The following PNPLA8 variants were observed in gnomAD, a reference collection of about 807,000 sequenced individuals.
PNPLA8 encodes the protein calcium-independent phospholipase A2-gamma.
PNPLA8 carries 39 observed loss-of-function variants against 76.9 expected under a neutral mutation model. The observed-to-expected ratio is 0.51, with a 90% CI of 0.39 to 0.66. PNPLA8 has a LOEUF of 0.66. Ranked by LOEUF, PNPLA8 falls within the 30% of genes least tolerant of loss-of-function variation. The pLI, the probability that PNPLA8 is intolerant of heterozygous loss-of-function variation, is 0.00. For synonymous variants in PNPLA8, 301 were observed against 307.9 expected, an observed-to-expected ratio of 0.98 and a Z score of 0.24; for missense variants, 887 against 918.0, an observed-to-expected ratio of 0.97 and a Z score of 0.44.
chr7:108,515,661 C>T (rs1863286606), intron 2 of PNPLA8, 87 bp from the exon 3 acceptor site: 1 of 668,998 alleles, frequency 1.5e-6, no homozygotes, highest in South Asian at 7.0e-5. Flanking sequence ...GGACTAAACT[C>T]AGCAAGCTGT....
chr7:108,526,080 G>A lies in PNPLA8; in HGVS notation c.-181C>T. 1 of 985,688 alleles carries A rather than the reference G, an allele frequency of 1.0e-6. No individual in the cohort carries two copies. Among genetic ancestry groups the A allele is most frequent in the Non-Finnish European group, 1.2e-6 (1 of 830,058 alleles). 61.1% of individuals were successfully genotyped at this position (985,688 alleles called of 1,614,324 possible). ...CTGCAGCGGCGACTCGCTCGTTCCC[G>A]GCAATGACGTCCACTCCAACCGGCC... On this transcript the variant is annotated 5_prime_UTR_variant, in exon 1 of 11. Coordinates refer to ENST00000257694, the MANE Select transcript of PNPLA8 (RefSeq NM_001256007.3).
intron 5 of PNPLA8, among the ~76,000 whole-genome samples, chr7:108,500,147 G>A (rs955889201): frequency 7.2e-5 from 11 of 152,096 alleles, no homozygotes; most frequent in African/African-American, 1.9e-4. Context: ...TTACAACATA[G>A]TAGGCCCCCA....
At chr7:108,522,293 CA>C (rs1363551092) in intron 1 of PNPLA8, among the ~76,000 whole-genome samples, 21 of 99,332 alleles carry the variant, frequency 2.1e-4, no homozygotes, top group East Asian at 5.9e-4. Context: ...GACTCCCTCT[CA>C]AAAAAAAAAA....
chr7:108,484,261 G>T (rs1297643865), intron 9 of PNPLA8, among the ~76,000 whole-genome samples: 1 of 152,168 alleles, frequency 6.6e-6, no homozygotes, highest in African/African-American at 2.4e-5. Context: ...CTCTAATCTA[G>T]TGGTGAAGCA....
chr7:108,514,224 G>A lies in PNPLA8; in HGVS notation c.1126C>T (p.Pro376Ser), dbSNP rs1289345752. The A allele has an allele frequency of 6.2e-7, 1 of 1,608,620 alleles. No homozygotes were observed. The highest frequency in any genetic ancestry group is 1.3e-5 in the African/African-American group (1 of 74,742). Residue 376 changes from proline to serine, a missense_variant, in exon 4 of 11, where the codon CCA (proline) becomes TCA (serine). Coordinates refer to ENST00000257694, the MANE Select transcript of PNPLA8 (RefSeq NM_001256007.3). ...TCAACCCTAGTAATGCAGAGCTTTG[G>A]GTCAGTTGTTCTTCTTAATGCCTGA... The part of the protein sequence containing the change: ...LVQALRRTTD[P>S]KLCITRVEEL...
intron 4 of PNPLA8, among the ~76,000 whole-genome samples, chr7:108,512,050 C>A (rs74788126): frequency 6.6e-6 from 1 of 152,172 alleles, no homozygotes; most frequent in Non-Finnish European, 1.5e-5. Context: ...TTCCTTGCCA[C>A]AGAAATCAGA....
intron 8 of PNPLA8, among the ~76,000 whole-genome samples, chr7:108,488,487 T>C (rs375060592): frequency 4.5e-4 from 69 of 152,168 alleles, no homozygotes; most frequent in African/African-American, 1.2e-3. Flanking sequence ...GGCAGGAGAA[T>C]TGCTTGCCCA....
In PNPLA8 at chr7:108,502,626, T is replaced by C. The variant is rs778120191; in HGVS notation, c.1223A>G (p.Tyr408Cys). Residue 408 changes from tyrosine (Y) to cysteine (C), a missense_variant, in exon 5 of 11, where the codon TAT (tyrosine) becomes TGT (cysteine). Coordinates refer to ENST00000257694, the MANE Select transcript of PNPLA8 (RefSeq NM_001256007.3). Reference sequence around the variant, plus strand: ...CTTAATTTGTCTCAGTCGTAATAAATATGGAATAATTCTTTCCTATATTGA... The same window carrying C: ...CTTAATTTGTCTCAGTCGTAATAAACATGGAATAATTCTTTCCTATATTGA... The part of the protein sequence containing the change: ...GVAVKERIIP[Y>C]LLRLRQIKDE... 1.9e-6 allele frequency: 3 copies of C among 1,609,042 alleles called. No homozygotes were observed. The highest frequency in any genetic ancestry group is 8.5e-7 in the Non-Finnish European group (1 of 1,176,460).
chr7:108,518,359 T>C (rs1863489816), intron 2 of PNPLA8: 1 of 151,992 alleles, frequency 6.6e-6, no homozygotes, highest in African/African-American at 2.4e-5. Context: ...AAGGAATAAA[T>C]AGGTAGGGGA....
chr7:108,513,977 T>A (rs1385903823), intron 4 of PNPLA8, among the ~76,000 whole-genome samples, 167 bp downstream of exon 4: 1 of 152,214 alleles, frequency 6.6e-6, no homozygotes, highest in African/African-American at 2.4e-5. Flanking sequence ...TTGATTAGCA[T>A]AATGTATGTC....
Position 108,491,255 on chromosome 7 carries a change from C to T in PNPLA8, c.1683+155G>A, listed in dbSNP as rs1441161591. On this transcript the variant is annotated intron_variant, in intron 8 of 10. Transcript: ENST00000257694. ...CTGGGAGACGGAGGTTATGGTGAGC[C>T]GAGATCGTGCTATTGCACTCCAGCC... 9.8e-5 allele frequency: 54 copies of T among 549,268 alleles called. 1 individual carries two copies. The highest frequency in any genetic ancestry group is 1.2e-4 in the East Asian group (4 of 33,058). 34.0% of individuals were successfully genotyped at this position (549,268 alleles called of 1,614,324 possible). A position where few individuals can be genotyped will look rare whatever the true frequency, so the allele number is the denominator to read the frequency against.
intron 4 of PNPLA8, among the ~76,000 whole-genome samples, chr7:108,511,127 T>C (rs1355799070): frequency 6.6e-6 from 1 of 152,068 alleles, no homozygotes. Flanking sequence ...TTTGTAAAAT[T>C]TGCCTTTGAG....
At chr7:108,487,723 A>C in intron 9 of PNPLA8, 36 bp downstream of exon 9, 1 of 1,368,682 alleles carries the variant, frequency 7.3e-7, no homozygotes, top group Non-Finnish European at 1.0e-6. Flanking sequence ...TTAATCATGT[A>C]AAATTTAAAA....
At chr7:108,505,657 G>A (rs1211560816) in intron 4 of PNPLA8, among the ~76,000 whole-genome samples, 4 of 151,526 alleles carry the variant, frequency 2.6e-5, no homozygotes, top group Non-Finnish European at 5.9e-5. Flanking sequence ...CACGGCGCCT[G>A]GCCAAAAATA....
At chr7:108,527,680 A>C (rs754998771), upstream of PNPLA8, 6 of 152,176 alleles carry the variant, frequency 3.9e-5, no homozygotes, top group Admixed American at 3.3e-4. Context: ...AAGTGATATC[A>C]AGGGTCGGGG....
rs78739012 is a variant in PNPLA8, at chr7:108,525,200, T to G, written c.-130+829A>C. Among the ~76,000 whole-genome samples the G allele has an allele frequency of 6.2e-3, 952 of 152,378 alleles. 5 individuals carry two copies. The highest frequency in any genetic ancestry group is 0.011 in the Non-Finnish European group (744 of 68,032). ...TTTAACAAAATAGCTAAAATGGGCT[T>G]GATACAACTGCCTCACAAGGCATAA... On this transcript the variant is annotated intron_variant, in intron 1 of 10. Coordinates refer to ENST00000257694, the MANE Select transcript of PNPLA8 (RefSeq NM_001256007.3).
At chr7:108,496,380 C>A in intron 7 of PNPLA8, 1 of 397,176 alleles carries the variant, frequency 2.5e-6, no homozygotes. Flanking sequence ...CTCACACACA[C>A]AAACCCCCCA....
At chr7:108,507,341 C>CA (rs66685490) in intron 4 of PNPLA8, among the ~76,000 whole-genome samples, 17,400 of 45,528 alleles carry the variant, frequency 0.38, 4,098 homozygotes, top group Non-Finnish European at 0.41. Context: ...GACTCTGTCT[C>CA]AAAAAAAAAA....
chr7:108,527,012 A>G (rs1459514198), upstream of PNPLA8, among the ~76,000 whole-genome samples: 1 of 152,212 alleles, frequency 6.6e-6, no homozygotes, highest in Non-Finnish European at 1.5e-5. Context: ...TTTATACTAC[A>G]ATAGCGAATT....
Sources: gnomAD v4.1 joint callset for allele counts (sites outside exome capture counted in the v4.1 genomes callset) on GRCh38, gnomAD v4.1.1 for gene constraint, MANE v1.5 for transcripts, NCBI Gene and HGNC (gene_info 2026-07-23, HGNC 2026-07-21) for gene names.